The following DMD variants were observed in gnomAD, a reference collection of about 807,000 sequenced individuals.
DMD encodes dystrophin.
DMD carries 63 observed loss-of-function variants against 330.1 expected under a neutral mutation model. The ratio of observed to expected loss-of-function variants is 0.19; its 90% CI spans 0.16 to 0.24. The LOEUF is 0.24. DMD is among the 10% of genes least tolerant of loss of function. The probability of loss-of-function intolerance (pLI) is 1.00; values close to 1 mark genes in which losing one functional copy is unlikely to be tolerated. For missense variants in DMD, 3,344 were observed against 2,684.1 expected (o/e 1.25, Z -5.43); for synonymous variants, 1,223 against 959.8 (o/e 1.27, Z -5.07).
At chrX:31,607,815 C>T (rs73455913) in intron 55 of DMD, among the ~76,000 whole-genome samples, 73 of 112,041 alleles carry the variant, frequency 6.5e-4, no homozygotes, top group African/African-American at 2.3e-3. Flanking sequence ...TTTATGTAGA[C>T]GGTATGACTT....
intron 11 of DMD, among the ~76,000 whole-genome samples, chrX:32,632,140 T>C (rs1394238726): frequency 8.9e-6 from 1 of 111,935 alleles, no homozygotes; most frequent in Non-Finnish European, 1.9e-5. Flanking sequence ...AAGGGTGAAA[T>C]TGGTCAAAAG....
intron 53 of DMD, among the ~76,000 whole-genome samples, chrX:31,673,208 G>T (rs1024863123): frequency 1.8e-5 from 2 of 112,258 alleles, no homozygotes; most frequent in Non-Finnish European, 3.8e-5. Flanking sequence ...GTGGAGCTGG[G>T]AGAAAGTGAC....
rs1167550498 is a variant in DMD, at chrX:31,559,640, C to CAAAAAAAAAAAA, written c.8218-52199_8218-52188dup. Reference sequence around the variant, plus strand: ...TGGGCGACAGAGCGAAACTCCGTCTCAAAAAAAAAAAAAAAAAAAAAAAAA... The same window carrying CAAAAAAAAAAAA: ...TGGGCGACAGAGCGAAACTCCGTCTCAAAAAAAAAAAAAAAAAAAAAAAAAAAAAAAAAAAAA... On this transcript the variant is annotated intron_variant, in intron 55 of 78. Transcript: ENST00000357033. Among the ~76,000 whole-genome samples the CAAAAAAAAAAAA allele has an allele frequency of 1.9e-3, 42 of 21,634 alleles. 1 individual carries two copies. The highest frequency in any genetic ancestry group is 3.6e-3 in the Non-Finnish European group (34 of 9,545). 18.8% of individuals were successfully genotyped at this position (21,634 alleles called of 115,157 possible). A position where few individuals can be genotyped will look rare whatever the true frequency, so the allele number is the denominator to read the frequency against.
At chrX:31,511,336 A>ATTTATTTATTTATGTAT (rs575874863) in intron 55 of DMD, among the ~76,000 whole-genome samples, 1 of 95,818 alleles carries the variant, frequency 1.0e-5, no homozygotes, top group Non-Finnish European at 2.0e-5. Flanking sequence ...TTATTTATTT[A>ATTTATTTATTTATGTAT]TTATTATTAT....
chrX:32,097,419 AG>A (rs1246792319), intron 44 of DMD, among the ~76,000 whole-genome samples: 1 of 111,138 alleles, frequency 9.0e-6, no homozygotes, highest in Non-Finnish European at 1.9e-5. Flanking sequence ...GTCCCTTCAA[AG>A]GACATGAACT....
chrX:31,733,850 T>C (rs1327085662), intron 51 of DMD, among the ~76,000 whole-genome samples: 1 of 111,078 alleles, frequency 9.0e-6, no homozygotes, highest in Non-Finnish European at 1.9e-5. Flanking sequence ...TCACTTCTCA[T>C]TTCCATTTTA....
intron 13 of DMD, among the ~76,000 whole-genome samples, chrX:32,576,980 G>A (rs2053129849): frequency 9.0e-6 from 1 of 111,499 alleles, no homozygotes; most frequent in Non-Finnish European, 1.9e-5. Context: ...AATATTAAGA[G>A]AAGATGTTAC....
intron 1 of DMD, among the ~76,000 whole-genome samples, chrX:33,300,448 T>A (rs895700601): frequency 1.8e-5 from 2 of 112,205 alleles, no homozygotes; most frequent in African/African-American, 6.5e-5. Flanking sequence ...ATGAGGAAAA[T>A]TTAATACTAA....
chrX:32,762,609 G>GA (rs1254786918), intron 7 of DMD, among the ~76,000 whole-genome samples: 6 of 111,382 alleles, frequency 5.4e-5, no homozygotes, highest in African/African-American at 1.6e-4. Context: ...CTGAAGATGA[G>GA]ACCTTTCGGC....
intron 7 of DMD, among the ~76,000 whole-genome samples, chrX:32,791,188 C>CAT (rs768925339): frequency 9.6e-5 from 10 of 104,444 alleles, no homozygotes; most frequent in Non-Finnish European, 2.0e-4. Flanking sequence ...CCACCAACAC[C>CAT]ATCATGGATT....
chrX:33,146,052 C>T (rs999577260), intron 1 of DMD, among the ~76,000 whole-genome samples: 6 of 109,833 alleles, frequency 5.5e-5, no homozygotes, highest in Non-Finnish European at 1.1e-4. Context: ...ACACCCAGCT[C>T]ATTTTTTTTA....
intron 45 of DMD, among the ~76,000 whole-genome samples, chrX:31,953,713 A>G (rs1192574233): frequency 9.0e-6 from 1 of 111,440 alleles, no homozygotes; most frequent in African/African-American, 3.3e-5. Flanking sequence ...CAATTTATTT[A>G]CATTACCTCT....
At chrX:33,198,025 A>T (rs1449124138) in intron 1 of DMD, among the ~76,000 whole-genome samples, 1 of 111,459 alleles carries the variant, frequency 9.0e-6, no homozygotes, top group African/African-American at 3.3e-5. Context: ...ACCATTTTAC[A>T]TTCCCATCAG....
At chrX:32,766,483 T>C (rs2072997596) in intron 7 of DMD, among the ~76,000 whole-genome samples, 1 of 111,846 alleles carries the variant, frequency 8.9e-6, no homozygotes, top group Admixed American at 9.5e-5. Flanking sequence ...GTTTCCTTAA[T>C]CTCCTTTTTG....
chrX:33,047,282 C>G (rs1488156406), intron 1 of DMD, among the ~76,000 whole-genome samples: 2 of 111,936 alleles, frequency 1.8e-5, no homozygotes, highest in Non-Finnish European at 3.8e-5. Flanking sequence ...GGGAACATTA[C>G]TGATGTACCT....
intron 62 of DMD, among the ~76,000 whole-genome samples, chrX:31,287,434 T>C (rs2053309750): frequency 8.9e-6 from 1 of 112,594 alleles, no homozygotes; most frequent in South Asian, 3.7e-4. Flanking sequence ...TTTGTATAAA[T>C]ACCAAAAGTA....
intron 76 of DMD, among the ~76,000 whole-genome samples, chrX:31,142,414 C>G (rs2036177413): frequency 9.0e-6 from 1 of 111,494 alleles, no homozygotes; most frequent in South Asian, 3.7e-4. Flanking sequence ...TGTTAACATA[C>G]AGATATACAT....
chrX:32,566,818 C>T (rs1207802804), intron 15 of DMD, among the ~76,000 whole-genome samples: 1 of 111,466 alleles, frequency 9.0e-6, no homozygotes, highest in African/African-American at 3.3e-5. Flanking sequence ...AACATTACTC[C>T]CTGACTTAAT....
chrX:31,752,417 C>T (rs1401430082), intron 51 of DMD, among the ~76,000 whole-genome samples: 1 of 110,726 alleles, frequency 9.0e-6, no homozygotes, highest in African/African-American at 3.3e-5. Context: ...GGCAAAAAAG[C>T]AAACAAAAAA....
Sources: gnomAD v4.1 joint callset for allele counts (sites outside exome capture counted in the v4.1 genomes callset) on GRCh38, gnomAD v4.1.1 for gene constraint, MANE v1.5 for transcripts, NCBI Gene and HGNC (gene_info 2026-07-23, HGNC 2026-07-21) for gene names.